SESN1: variants seen among roughly 807,000 people sequenced by gnomAD.
SESN1 encodes the protein sestrin-1.
Under a neutral mutation model 59.3 loss-of-function variants are expected in SESN1, and 30 were observed. The observed-to-expected ratio is 0.51, with a 90% confidence interval of 0.38 to 0.69. SESN1 has a LOEUF of 0.69. Among genes scored for constraint, SESN1 ranks in the 30% least tolerant of loss-of-function variants. The pLI, the probability that SESN1 is intolerant of heterozygous loss-of-function variation, is 0.00. For missense variants in SESN1, 566 were observed against 673.0 expected (o/e 0.84, Z 1.76); for synonymous variants, 197 against 219.9 (o/e 0.90, Z 0.92).
chr6:109,083,569 C>A (rs1194340536), intron 1 of SESN1, among the ~76,000 whole-genome samples: 1 of 152,136 alleles, frequency 6.6e-6, no homozygotes, highest in Non-Finnish European at 1.5e-5. Context: ...TGACTGTCAT[C>A]AACAAAGGTC....
intron 3 of SESN1, 77 bp downstream of exon 3, chr6:109,001,211 T>C: frequency 1.7e-6 from 2 of 1,177,348 alleles, no homozygotes; most frequent in South Asian, 2.8e-5. Flanking sequence ...TTTATCCCTG[T>C]GTTTAAAGCA....
intron 1 of SESN1, among the ~76,000 whole-genome samples, chr6:109,066,364 A>G (rs1038858426): frequency 2.7e-5 from 4 of 150,758 alleles, no homozygotes; most frequent in African/African-American, 9.8e-5. Context: ...TTACTGGAGC[A>G]GTAGGGGAAG....
intron 1 of SESN1, among the ~76,000 whole-genome samples, chr6:109,092,080 T>C (rs1233786793): frequency 6.6e-6 from 1 of 152,208 alleles, no homozygotes; most frequent in Non-Finnish European, 1.5e-5. Context: ...AGAGTATAAG[T>C]CTATAGGGAA....
chr6:109,071,440 T>C (rs1780933158), intron 1 of SESN1, among the ~76,000 whole-genome samples: 1 of 152,046 alleles, frequency 6.6e-6, no homozygotes, highest in Non-Finnish European at 1.5e-5. Flanking sequence ...ATCTTCATTT[T>C]GCTGATGATA....
intron 2 of SESN1, among the ~76,000 whole-genome samples, 156 bp downstream of exon 2, chr6:109,002,122 T>C (rs1779638790): frequency 6.6e-6 from 1 of 152,230 alleles, no homozygotes; most frequent in African/African-American, 2.4e-5. Context: ...AACAGCTTTT[T>C]ATTCCCACAG....
rs1323403453 is a variant in SESN1, at chr6:108,986,987, C to T, written c.*557G>A. The stretch of plus-strand genomic sequence containing the variant: ...GAGCTGTGTGAGTAGGAATTCTATG[C>T]TTTTTTAGATGCAAGAAAATTAACA... On this transcript the variant is annotated 3_prime_UTR_variant, in exon 10 of 10. Transcript: ENST00000436639. The T allele has an allele frequency of 2.0e-5, 3 of 152,550 alleles. No individual in the cohort carries two copies. Among genetic ancestry groups the T allele is most frequent in the Non-Finnish European group, 4.4e-5 (3 of 68,018 alleles). The allele number at this position is 152,550 out of a possible 1,614,324, so 9.4% of individuals were successfully genotyped here.
intron 1 of SESN1, among the ~76,000 whole-genome samples, chr6:109,023,281 T>G (rs893990020): frequency 6.6e-6 from 1 of 152,220 alleles, no homozygotes; most frequent in Non-Finnish European, 1.5e-5. Flanking sequence ...CATTCTTCTC[T>G]CAGAGTTTCA....
chr6:108,988,082 C>A (rs778427885), intron 9 of SESN1, among the ~76,000 whole-genome samples: 4 of 152,256 alleles, frequency 2.6e-5, no homozygotes, highest in Non-Finnish European at 5.9e-5. Context: ...GTGTGAGCCA[C>A]CATACCTGGC....
intron 6 of SESN1, chr6:108,993,157 C>A: frequency 2.8e-6 from 1 of 357,228 alleles, no homozygotes; most frequent in Non-Finnish European, 5.0e-6. Flanking sequence ...TCCTTTCTCT[C>A]TCCTCCCATT....
intron 1 of SESN1, among the ~76,000 whole-genome samples, chr6:109,043,641 A>G (rs1452854340): frequency 6.6e-6 from 1 of 152,224 alleles, no homozygotes; most frequent in African/African-American, 2.4e-5. Context: ...CATAAATCCA[A>G]CAAAATATGT....
chr6:109,090,941 T>C (rs1017812783), intron 1 of SESN1, among the ~76,000 whole-genome samples: 2 of 152,120 alleles, frequency 1.3e-5, no homozygotes, highest in African/African-American at 2.4e-5. Context: ...AGCTAATTTT[T>C]TTTTCTTGAC....
chr6:109,003,484 A>G (rs989287690), intron 1 of SESN1, among the ~76,000 whole-genome samples: 2 of 152,186 alleles, frequency 1.3e-5, no homozygotes, highest in Non-Finnish European at 2.9e-5. Context: ...TTAAGCAGGA[A>G]GGACAAAAGT....
chr6:109,086,831 G>A (rs1199902474), intron 1 of SESN1, among the ~76,000 whole-genome samples: 1 of 152,162 alleles, frequency 6.6e-6, no homozygotes, highest in Non-Finnish European at 1.5e-5. Flanking sequence ...CACTCCAACA[G>A]GAATAAAATA....
intron 6 of SESN1, among the ~76,000 whole-genome samples, chr6:108,993,464 C>T (rs1031103157): frequency 6.6e-5 from 10 of 152,006 alleles, no homozygotes; most frequent in African/African-American, 1.9e-4. Flanking sequence ...CATCTTTAGG[C>T]ATGGAAACAA....
At chr6:109,043,521 C>T (rs1780375468) in intron 1 of SESN1, among the ~76,000 whole-genome samples, 1 of 152,040 alleles carries the variant, frequency 6.6e-6, no homozygotes, top group Non-Finnish European at 1.5e-5. Context: ...GGGAGTTGAG[C>T]AGGTTGCAGG....
Position 108,984,674 on chromosome 6 carries a change from T to C in SESN1, c.*2870A>G, listed in dbSNP as rs1037348559. On this transcript the variant is annotated 3_prime_UTR_variant, in exon 10 of 10. Transcript: ENST00000436639. The stretch of plus-strand genomic sequence containing the variant: ...AAGTATTTTATTCTTTTTGATCCTA[T>C]TGTAAATGGAATTGTTAAATTTTTT... Among the ~76,000 whole-genome samples the C allele has an allele frequency of 1.3e-5, 2 of 152,200 alleles. No homozygotes were observed. The highest frequency in any genetic ancestry group is 2.4e-5 in the African/African-American group (1 of 41,442).
chr6:108,992,229 G>C (rs963114673), intron 7 of SESN1, among the ~76,000 whole-genome samples: 2 of 152,088 alleles, frequency 1.3e-5, no homozygotes, highest in Non-Finnish European at 2.9e-5. Context: ...CTCCTGAGTA[G>C]ATGGGACCAC....
In SESN1 at chr6:109,093,864, A is replaced by T; in HGVS notation, c.210T>A (p.Leu70=). The stretch of plus-strand genomic sequence containing the variant: ...TGAAGGGACACCTCTTAGAAAGCAT[A>T]AGCAGATGAGCAAGTAGCTTATTCA... The part of the protein sequence containing the change: ...DGLNKLLAHL[L]MLSKRCPFKD... Residue 70 remains leucine, a synonymous_variant, in exon 1 of 10, where the codon CTT becomes CTA. Transcript: ENST00000436639. 6.2e-7 allele frequency: 1 copy of T among 1,614,230 alleles called. No individual in the cohort carries two copies. Among genetic ancestry groups the T allele is most frequent in the South Asian group, 1.1e-5 (1 of 91,084 alleles).
At chr6:109,076,465 G>C (rs1781035075) in intron 1 of SESN1, among the ~76,000 whole-genome samples, 1 of 152,096 alleles carries the variant, frequency 6.6e-6, no homozygotes, top group Non-Finnish European at 1.5e-5. Context: ...AAATTACGAG[G>C]GTATTACTTT....
Sources: gnomAD v4.1 joint callset for allele counts (sites outside exome capture counted in the v4.1 genomes callset) on GRCh38, gnomAD v4.1.1 for gene constraint, MANE v1.5 for transcripts, NCBI Gene and HGNC (gene_info 2026-07-23, HGNC 2026-07-21) for gene names.